The following MCC variants were observed in gnomAD, a reference collection of about 807,000 sequenced individuals.
MCC encodes the protein MCC regulator of Wnt signaling pathway.
In MCC, 90 loss-of-function variants were observed where a neutral mutation model predicts 116.2. That is an observed-to-expected ratio of 0.77 (90% CI 0.65 to 0.92). MCC has a LOEUF of 0.92. MCC is among the 40% of genes least tolerant of loss of function. MCC has a pLI of 0.00. For synonymous variants in MCC, 578 were observed against 510.5 expected (o/e 1.13, Z -1.78); for missense variants, 1,516 against 1,312.2 (o/e 1.16, Z -2.40).
chr5:113,065,283 T>A (rs1434882211), intron 13 of MCC, among the ~76,000 whole-genome samples: 2 of 152,046 alleles, frequency 1.3e-5, no homozygotes, highest in Non-Finnish European at 2.9e-5. Context: ...AGGCCGTGCA[T>A]GTTGAGGGTT....
intron 1 of MCC, among the ~76,000 whole-genome samples, chr5:113,441,350 A>G (rs1771035962): frequency 6.6e-6 from 1 of 152,198 alleles, no homozygotes; most frequent in Admixed American, 6.5e-5. Context: ...AAACAAAACA[A>G]AACAAAACAA....
chr5:113,193,223 T>G (rs1266757012), intron 3 of MCC, among the ~76,000 whole-genome samples: 1 of 152,158 alleles, frequency 6.6e-6, no homozygotes, highest in African/African-American at 2.4e-5. Context: ...AAGACCCTTT[T>G]GATTACACTG....
intron 3 of MCC, among the ~76,000 whole-genome samples, chr5:113,326,888 A>C (rs778373122): frequency 6.6e-6 from 1 of 152,330 alleles, no homozygotes; most frequent in Middle Eastern, 3.4e-3. Context: ...TAATGAAATA[A>C]AAATTTTATT....
chr5:113,185,303 C>A (rs903833802), intron 3 of MCC, among the ~76,000 whole-genome samples: 2 of 152,110 alleles, frequency 1.3e-5, no homozygotes, highest in Non-Finnish European at 2.9e-5. Flanking sequence ...TAACAAGACA[C>A]AAGCCCTAGA....
chr5:113,393,372 G>T lies in MCC; in HGVS notation c.171-8160C>A, dbSNP rs188125739. Among the ~76,000 whole-genome samples the T allele has an allele frequency of 7.9e-5, 12 of 152,308 alleles. No homozygotes were observed. In the East Asian group the frequency reaches 2.3e-3, roughly 29 times the overall value. On this transcript the variant is annotated intron_variant, in intron 1 of 18. Coordinates refer to ENST00000408903, the MANE Select transcript of MCC (RefSeq NM_001085377.2). Reference sequence around the variant, plus strand: ...TTGGTCTGAGGCTATAGTTGGAGGGGAAAATGTTTAAAATAATGTCATTCA... The same window carrying T: ...TTGGTCTGAGGCTATAGTTGGAGGGTAAAATGTTTAAAATAATGTCATTCA...
intron 3 of MCC, among the ~76,000 whole-genome samples, chr5:113,166,007 AGCTC>A (rs1760749028): frequency 6.6e-6 from 1 of 152,158 alleles, no homozygotes; most frequent in African/African-American, 2.4e-5. Context: ...TATTTTCCCA[AGCTC>A]ATGAAGCCCA....
At chr5:113,421,672 C>T (rs985457503) in intron 1 of MCC, among the ~76,000 whole-genome samples, 52 of 152,328 alleles carry the variant, frequency 3.4e-4, no homozygotes, top group African/African-American at 1.1e-3. Context: ...CTTCCTGTGA[C>T]TCTGTTCTAC....
intron 3 of MCC, among the ~76,000 whole-genome samples, chr5:113,279,679 G>T (rs1404388662): frequency 6.6e-6 from 1 of 152,118 alleles, no homozygotes; most frequent in Non-Finnish European, 1.5e-5. Context: ...ACCTTGATAA[G>T]TCCAGATGCA....
chr5:113,262,097 T>G (rs1765239211), intron 3 of MCC, among the ~76,000 whole-genome samples: 2 of 152,150 alleles, frequency 1.3e-5, no homozygotes, highest in African/African-American at 4.8e-5. Context: ...AATTTTTATT[T>G]TTTTTTAAGT....
intron 1 of MCC, among the ~76,000 whole-genome samples, chr5:113,461,514 A>C (rs1321391760): frequency 6.6e-6 from 1 of 151,470 alleles, no homozygotes; most frequent in East Asian, 2.0e-4. Flanking sequence ...TACAAGAAAT[A>C]ATTAGAAGGT....
intron 1 of MCC, among the ~76,000 whole-genome samples, chr5:113,447,287 T>TG (rs1299029763): frequency 6.6e-6 from 1 of 152,184 alleles, no homozygotes; most frequent in East Asian, 1.9e-4. Context: ...TAGGAAGGGG[T>TG]GGGTGGTCTC....
chr5:113,191,289 G>A (rs925246318), intron 3 of MCC, among the ~76,000 whole-genome samples: 1 of 152,160 alleles, frequency 6.6e-6, no homozygotes, highest in African/African-American at 2.4e-5. Flanking sequence ...TTGGGTTTGT[G>A]AGCCTGGGCT....
At chr5:113,132,427 C>CATATATATAT (rs1162820789) in intron 5 of MCC, among the ~76,000 whole-genome samples, 56 of 106,818 alleles carry the variant, frequency 5.2e-4, no homozygotes, top group African/African-American at 6.3e-4. Flanking sequence ...TACACACATA[C>CATATATATAT]ATATATATAT....
intron 14 of MCC, 140 bp downstream of exon 14, chr5:113,063,844 G>A: frequency 1.2e-6 from 1 of 853,592 alleles, no homozygotes; most frequent in African/African-American, 1.7e-5. Flanking sequence ...TTTTTGGATG[G>A]AGCAGGCTGC....
At chr5:113,287,245 C>G (rs1193677434) in intron 3 of MCC, among the ~76,000 whole-genome samples, 2 of 152,204 alleles carry the variant, frequency 1.3e-5, no homozygotes, top group African/African-American at 4.8e-5. Flanking sequence ...CCCCTCCTCT[C>G]AGAATCTAGA....
intron 3 of MCC, among the ~76,000 whole-genome samples, chr5:113,207,077 G>A (rs1020130236): frequency 1.3e-5 from 2 of 152,186 alleles, no homozygotes; most frequent in Admixed American, 6.5e-5. Context: ...GCAAAGATAC[G>A]TAAAACAGAG....
chr5:113,241,398 C>A (rs1231121401), intron 3 of MCC, among the ~76,000 whole-genome samples: 4 of 152,142 alleles, frequency 2.6e-5, no homozygotes, highest in Non-Finnish European at 2.9e-5. Flanking sequence ...CTCAACTCTG[C>A]GATAGCCTAA....
In MCC at chr5:113,053,923, C is replaced by G. The variant is rs750056057; in HGVS notation, c.2250G>C (p.Glu750Asp). The G allele has an allele frequency of 1.2e-6, 2 of 1,613,768 alleles. No homozygotes were observed. The highest frequency in any genetic ancestry group is 1.7e-6 in the Non-Finnish European group (2 of 1,179,708). Reference sequence around the variant, plus strand: ...GCCTCTGCTCGTCTTCTTTAGTGAACTCGGTGTCGCAACTACTGGCTGTGG... The same window carrying G: ...GCCTCTGCTCGTCTTCTTTAGTGAAGTCGGTGTCGCAACTACTGGCTGTGG... ...TSSTASSCDTEFTKEDEQRLK... is the reference protein window; with the variant it reads ...TSSTASSCDTDFTKEDEQRLK... Residue 750 changes from glutamate to aspartate, a missense_variant, in exon 15 of 19, where the codon GAG (glutamate) becomes GAC (aspartate). Physicochemically the swap from Glu to Asp is conservative, Grantham distance 45. Transcript: ENST00000408903.
At chr5:113,488,219 C>G in intron 1 of MCC, 26 bp downstream of exon 1, 1 of 1,580,328 alleles carries the variant, frequency 6.3e-7, no homozygotes, top group Admixed American at 1.8e-5. Flanking sequence ...TCGCTCCTGT[C>G]GGTTTCCTCG....
Sources: gnomAD v4.1 joint callset for allele counts (sites outside exome capture counted in the v4.1 genomes callset) on GRCh38, gnomAD v4.1.1 for gene constraint, MANE v1.5 for transcripts, NCBI Gene and HGNC (gene_info 2026-07-23, HGNC 2026-07-21) for gene names.